ASIC2: variants seen among roughly 807,000 people sequenced by gnomAD.
ASIC2 encodes the protein acid sensing ion channel subunit 2.
A neutral mutation model predicts 57.3 loss-of-function variants in ASIC2; 25 were observed. The observed-to-expected ratio is 0.44, with a 90% CI of 0.32 to 0.61. The LOEUF is 0.61. Among genes scored for constraint, ASIC2 ranks in the 20% least tolerant of loss-of-function variants. The pLI is 0.06. For synonymous variants in ASIC2, 319 were observed against 307.5 expected, an observed-to-expected ratio of 1.04 and a Z score of -0.39; for missense variants, 641 against 738.1, an observed-to-expected ratio of 0.87 and a Z score of 1.52.
chr17:33,347,307 G>T (rs1907987137), intron 1 of ASIC2, among the ~76,000 whole-genome samples: 1 of 152,230 alleles, frequency 6.6e-6, no homozygotes, highest in Non-Finnish European at 1.5e-5. Flanking sequence ...ATGTGATAAG[G>T]ATCGTTGCTG....
In ASIC2 at chr17:33,028,294, A is replaced by G; in HGVS notation, c.1086T>C (p.Cys362=). The G allele has an allele frequency of 1.2e-6, 2 of 1,613,982 alleles. No homozygotes were observed. The highest frequency in any genetic ancestry group is 1.7e-6 in the Non-Finnish European group (2 of 1,179,870). ...AGTTTTCCACAATGTAGCGGGTCTCACAGTCAATCCTACAGGCGGTGATGC... is the reference window on the plus strand; with the variant it reads ...AGTTTTCCACAATGTAGCGGGTCTCGCAGTCAATCCTACAGGCGGTGATGC... ...VYSITACRID[C]ETRYIVENCN... Residue 362 remains cysteine, a synonymous_variant, in exon 4 of 10, where the codon TGT becomes TGC. Transcript: ENST00000225823.
At chr17:33,383,406 G>A (rs1035172134) in intron 1 of ASIC2, among the ~76,000 whole-genome samples, 14 of 152,080 alleles carry the variant, frequency 9.2e-5, no homozygotes, top group African/African-American at 2.9e-4. Context: ...TAGCATGTTC[G>A]GCTCCTACCT....
chr17:33,809,305 T>C (rs1231348424), intron 1 of ASIC2, among the ~76,000 whole-genome samples: 1 of 152,190 alleles, frequency 6.6e-6, no homozygotes, highest in Non-Finnish European at 1.5e-5. Flanking sequence ...GGAGTGTGTG[T>C]GTTTAGAGCT....
Position 33,911,455 on chromosome 17 carries a change from TCTGA to T in ASIC2, c.555+244519_555+244522del, listed in dbSNP as rs1915460640. On this transcript the variant is annotated intron_variant, in intron 1 of 9. Coordinates refer to the ASIC2 transcript ENST00000359872. ...GGTATTCTCATCGTCCAGAATGAAC[TCTGA>T]CTGTTACCCCAGTGTTCCAAGAATC... Among the ~76,000 whole-genome samples the T allele has an allele frequency of 2.0e-5, 3 of 152,196 alleles. 1 individual carries two copies. The South Asian group carries it at 6.2e-4, about 31-fold the overall frequency.
chr17:34,011,460 C>A (rs138664163), intron 1 of ASIC2, among the ~76,000 whole-genome samples: 234 of 152,280 alleles, frequency 1.5e-3, no homozygotes, highest in African/African-American at 5.4e-3. Flanking sequence ...CCATTCATAG[C>A]CCAATGTCTT....
chr17:33,149,804 C>T (rs893570298), intron 1 of ASIC2, among the ~76,000 whole-genome samples: 1 of 152,058 alleles, frequency 6.6e-6, no homozygotes, highest in Non-Finnish European at 1.5e-5. Flanking sequence ...TTTTAATTAG[C>T]CATCTGTATT....
chr17:33,712,506 G>T (rs1007128454), intron 1 of ASIC2, among the ~76,000 whole-genome samples: 2 of 152,168 alleles, frequency 1.3e-5, no homozygotes, highest in African/African-American at 4.8e-5. Flanking sequence ...AAGAATTCGG[G>T]CCTGATTTAG....
chr17:33,466,897 G>A (rs886255658), intron 1 of ASIC2, among the ~76,000 whole-genome samples: 1 of 152,158 alleles, frequency 6.6e-6, no homozygotes, highest in African/African-American at 2.4e-5. Context: ...AACCCTAGAA[G>A]AAAACCTAGG....
rs753687465 is a variant in ASIC2 at position 33,619,677 on chromosome 17, G to T, written c.556-507610C>A. Among the ~76,000 whole-genome samples, 4 of 152,142 alleles carry T rather than the reference G, an allele frequency of 2.6e-5. No individual in the cohort carries two copies. In the South Asian group the frequency reaches 6.2e-4, roughly 24 times the overall value. ...GGAGGTGACCATAACATCTCTTGCC[G>T]CACAGAGCGTCTCTGATTGTGTCAC... is the stretch of plus-strand genomic sequence containing the variant. On this transcript the variant is annotated intron_variant, in intron 1 of 9. Transcript: ENST00000359872.
intron 1 of ASIC2, among the ~76,000 whole-genome samples, chr17:33,375,829 T>G (rs1000995153): frequency 2.6e-5 from 4 of 152,226 alleles, no homozygotes; most frequent in African/African-American, 9.7e-5. Context: ...AGTGTTGTCC[T>G]GAGTAACTGA....
At chr17:33,758,917 CA>C (rs56232795) in intron 1 of ASIC2, among the ~76,000 whole-genome samples, 50,131 of 141,490 alleles carry the variant, frequency 0.35, 10,823 homozygotes, top group African/African-American at 0.64. Context: ...AAGCTAATAC[CA>C]AAAAAAAAAA....
intron 1 of ASIC2, among the ~76,000 whole-genome samples, chr17:33,919,935 A>T (rs983868489): frequency 6.6e-6 from 1 of 152,210 alleles, no homozygotes; most frequent in Non-Finnish European, 1.5e-5. Context: ...CACATCACTA[A>T]CCATCAGAGA....
intron 1 of ASIC2, among the ~76,000 whole-genome samples, chr17:33,771,239 A>G (rs967284733): frequency 6.7e-6 from 1 of 148,890 alleles, no homozygotes. Flanking sequence ...CATTCCTCAA[A>G]CAAACAGCAG....
chr17:33,701,806 T>G lies in ASIC2; in HGVS notation c.555+454172A>C, dbSNP rs1004829919. Among the ~76,000 whole-genome samples the G allele has an allele frequency of 5.9e-5, 9 of 152,352 alleles. No homozygotes were observed. In the South Asian group the frequency reaches 1.9e-3, roughly 32 times the overall value. ...CGGATTAAGATGGCAATCAGGCTTCTCCCATCAATGTCTTTTTGCAAAGAA... is the reference window on the plus strand; with the variant it reads ...CGGATTAAGATGGCAATCAGGCTTCGCCCATCAATGTCTTTTTGCAAAGAA... On this transcript the variant is annotated intron_variant, in intron 1 of 9. Transcript: ENST00000359872.
Position 33,479,059 on chromosome 17 carries a change from T to A in ASIC2, c.556-366992A>T, listed in dbSNP as rs1048713337. On this transcript the variant is annotated intron_variant, in intron 1 of 9. Coordinates refer to the ASIC2 transcript ENST00000359872. ...CTGTTGCTAGGCTGGAGTGCAGTGG[T>A]GTGATCTCGGCTCACTGCAGCCTCT... Among the ~76,000 whole-genome samples, 128 of 152,178 alleles carry A rather than the reference T, an allele frequency of 8.4e-4. 1 individual carries two copies. Among genetic ancestry groups the A allele is most frequent in the African/African-American group, 2.3e-3 (96 of 41,514 alleles).
At chr17:33,035,399 A>G (rs73984930) in intron 3 of ASIC2, among the ~76,000 whole-genome samples, 2,724 of 152,186 alleles carry the variant, frequency 0.018, 76 homozygotes, top group African/African-American at 0.062. Context: ...TTTTTATTAG[A>G]TACTGAACAT....
chr17:33,814,073 G>A (rs1178578343), intron 1 of ASIC2, among the ~76,000 whole-genome samples: 3 of 152,084 alleles, frequency 2.0e-5, no homozygotes, highest in African/African-American at 7.2e-5. Flanking sequence ...GTGGGGACTT[G>A]CATGGAGAAA....
At chr17:33,433,345 A>C (rs1269220803) in intron 1 of ASIC2, among the ~76,000 whole-genome samples, 1 of 152,238 alleles carries the variant, frequency 6.6e-6, no homozygotes, top group Non-Finnish European at 1.5e-5. Context: ...TGGGAGCTAA[A>C]TGATGAGAAC....
intron 1 of ASIC2, among the ~76,000 whole-genome samples, chr17:34,016,275 T>C (rs1306187173): frequency 6.6e-6 from 1 of 151,476 alleles, no homozygotes; most frequent in African/African-American, 2.4e-5. Flanking sequence ...ACACAAAAAA[T>C]TGGCCAGGCG....
Sources: allele counts gnomAD v4.1 joint callset (sites outside exome capture counted in the v4.1 genomes callset), GRCh38; gene constraint gnomAD v4.1.1; transcripts MANE v1.5; gene names NCBI Gene and HGNC (gene_info 2026-07-23, HGNC 2026-07-21).